The following TTC29 variants were observed in gnomAD, a reference collection of about 807,000 sequenced individuals.
TTC29 encodes tetratricopeptide repeat domain 29, also known as tetratricopeptide repeat protein 29.
In TTC29, 49 loss-of-function variants were observed where a neutral mutation model predicts 58.1. The ratio of observed to expected loss-of-function variants is 0.84; its 90% confidence interval spans 0.67 to 1.07. TTC29 has a LOEUF of 1.07. Among genes scored for constraint, TTC29 ranks in the 50% least tolerant of loss-of-function variants. The pLI, the probability that TTC29 is intolerant of heterozygous loss-of-function variation, is 0.00. For missense variants in TTC29, 582 were observed against 555.6 expected, an observed-to-expected ratio of 1.05 and a Z score of -0.48; for synonymous variants, 209 against 196.8, an observed-to-expected ratio of 1.06 and a Z score of -0.52.
At chr4:146,758,784 C>T (rs757322647) in intron 11 of TTC29, among the ~76,000 whole-genome samples, 9 of 152,032 alleles carry the variant, frequency 5.9e-5, no homozygotes, top group South Asian at 2.1e-4. Context: ...AAAAATTCTT[C>T]GAACTTAATG....
chr4:146,778,599 A>G (rs547492720), intron 11 of TTC29, among the ~76,000 whole-genome samples: 1 of 152,194 alleles, frequency 6.6e-6, no homozygotes, highest in Admixed American at 6.5e-5. Context: ...TAAGTACATC[A>G]TATTTTCAAA....
chr4:146,863,913 C>A (rs1730404800), intron 8 of TTC29, among the ~76,000 whole-genome samples: 1 of 152,144 alleles, frequency 6.6e-6, no homozygotes, highest in African/African-American at 2.4e-5. Context: ...AAATGATGCC[C>A]ATCCACATAG....
rs1438199761 is a variant in TTC29, at chr4:146,711,387, T to C, written c.1331-3836A>G. Among the ~76,000 whole-genome samples the C allele has an allele frequency of 2.0e-5, 3 of 152,302 alleles. No homozygotes were observed. The East Asian group carries it at 5.8e-4, about 29-fold the overall frequency. On this transcript the variant is annotated intron_variant, in intron 11 of 12. Transcript: ENST00000325106. Reference sequence around the variant, plus strand: ...AGTTCAAAGCTAAAGGGATTACTTTTGAATAGTCATCACAGAGGTTGATTA... The same window carrying C: ...AGTTCAAAGCTAAAGGGATTACTTTCGAATAGTCATCACAGAGGTTGATTA...
chr4:146,883,296 T>C (rs916565382), intron 6 of TTC29, among the ~76,000 whole-genome samples: 53 of 152,070 alleles, frequency 3.5e-4, no homozygotes, highest in African/African-American at 1.2e-3. Flanking sequence ...GCTCCAGATG[T>C]AGTTGCAACG....
At chr4:146,837,873 G>A (rs953249110) in intron 8 of TTC29, among the ~76,000 whole-genome samples, 28 of 151,982 alleles carry the variant, frequency 1.8e-4, no homozygotes, top group African/African-American at 6.7e-4. Flanking sequence ...TATTTTTAAA[G>A]TTCATGGGAA....
At chr4:146,914,745 C>A (rs72960328) in intron 4 of TTC29, among the ~76,000 whole-genome samples, 12,644 of 151,890 alleles carry the variant, frequency 0.083, 694 homozygotes, top group East Asian at 0.19. Context: ...GGTTTTATTG[C>A]CATTTAAGGG....
chr4:146,861,784 A>G (rs547958504), intron 8 of TTC29, among the ~76,000 whole-genome samples: 2 of 149,008 alleles, frequency 1.3e-5, no homozygotes, highest in East Asian at 1.9e-4. Flanking sequence ...AGTTTCTTTG[A>G]AAAAAAAAAG....
chr4:146,826,691 T>G (rs1454759475), intron 9 of TTC29, among the ~76,000 whole-genome samples: 1 of 152,124 alleles, frequency 6.6e-6, no homozygotes, highest in Non-Finnish European at 1.5e-5. Flanking sequence ...CTGGATAATA[T>G]CCTGAAGCGT....
chr4:146,899,554 G>T (rs1000871589), intron 6 of TTC29, among the ~76,000 whole-genome samples: 2 of 152,182 alleles, frequency 1.3e-5, no homozygotes, highest in Non-Finnish European at 1.5e-5. Flanking sequence ...GAGACTGCCA[G>T]CCCTTGAGTC....
In TTC29 at chr4:146,909,162, C is replaced by G. The variant is rs1733729853; in HGVS notation, c.264G>C (p.Met88Ile). ...HKSFTELFAL[M>I]ERWDALREAA... The stretch of plus-strand genomic sequence containing the variant: ...CCTCCCTCAGGGCATCCCACCGCTC[C>G]ATCAGAGCGAAGAGCTCGGTGAAGG... Residue 88 changes from methionine (M) to isoleucine (I), a missense_variant, in exon 5 of 13, where the codon ATG becomes ATC. Met to Ile is a conservative substitution (Grantham distance 10). Transcript: ENST00000325106. 6.2e-7 allele frequency: 1 copy of G among 1,613,624 alleles called. No individual in the cohort carries two copies. Among genetic ancestry groups the G allele is most frequent in the Admixed American group, 1.7e-5 (1 of 59,988 alleles).
chr4:146,822,911 G>T (rs553536587), intron 9 of TTC29, among the ~76,000 whole-genome samples: 1 of 152,132 alleles, frequency 6.6e-6, no homozygotes, highest in Non-Finnish European at 1.5e-5. Flanking sequence ...CTTTTGAGAA[G>T]TGTCTGTTCA....
chr4:146,882,717 C>A (rs574576234), intron 6 of TTC29, among the ~76,000 whole-genome samples: 1 of 152,002 alleles, frequency 6.6e-6, no homozygotes, highest in South Asian at 2.1e-4. Flanking sequence ...AGCATCTATG[C>A]CGAAGTATCA....
At chr4:146,940,039 G>T in intron 2 of TTC29, 138 bp from the exon 3 acceptor site, 1 of 768,772 alleles carries the variant, frequency 1.3e-6, no homozygotes, top group Non-Finnish European at 1.9e-6. Context: ...TGTTATTCGG[G>T]AATCATGCTC....
chr4:146,871,055 C>T (rs1184726535), intron 7 of TTC29, among the ~76,000 whole-genome samples: 1 of 151,718 alleles, frequency 6.6e-6, no homozygotes, highest in Non-Finnish European at 1.5e-5. Flanking sequence ...AACTAATGTC[C>T]CCTACGAATA....
chr4:146,879,636 C>A (rs958671437), intron 6 of TTC29, among the ~76,000 whole-genome samples: 4 of 152,042 alleles, frequency 2.6e-5, no homozygotes, highest in Non-Finnish European at 5.9e-5. Context: ...CCTTTTGGCA[C>A]CAAATAAACT....
intron 6 of TTC29, among the ~76,000 whole-genome samples, chr4:146,902,857 CAAAGT>C (rs1733247223): frequency 6.6e-6 from 1 of 152,116 alleles, no homozygotes; most frequent in Non-Finnish European, 1.5e-5. Flanking sequence ...GCAGTTTCAC[CAAAGT>C]AAAAACTTTT....
chr4:146,842,476 G>C (rs1728909651), intron 8 of TTC29, among the ~76,000 whole-genome samples: 1 of 151,988 alleles, frequency 6.6e-6, no homozygotes, highest in African/African-American at 2.4e-5. Context: ...AAATAAATGA[G>C]AATGAAACCC....
chr4:146,918,274 A>T lies in TTC29; in HGVS notation c.177-9025T>A, dbSNP rs557166785. ...TAAGTTCAACCTTTATTTTTTAAGA[A>T]AAAAACTAGTAATAATTAAGGAATA... On this transcript the variant is annotated intron_variant, in intron 4 of 12. Coordinates refer to ENST00000325106, the MANE Select transcript of TTC29 (RefSeq NM_031956.4). Among the ~76,000 whole-genome samples, 330 of 151,192 alleles carry T rather than the reference A, an allele frequency of 2.2e-3. 1 individual carries two copies. Among genetic ancestry groups the T allele is most frequent in the African/African-American group, 7.5e-3 (313 of 41,500 alleles).
chr4:146,897,445 C>T (rs758087625), intron 6 of TTC29, among the ~76,000 whole-genome samples: 1 of 152,066 alleles, frequency 6.6e-6, no homozygotes, highest in African/African-American at 2.4e-5. Context: ...ACTATGATTG[C>T]CCATGTGGTA....
Sources: gnomAD v4.1 joint callset for allele counts (sites outside exome capture counted in the v4.1 genomes callset) on GRCh38, gnomAD v4.1.1 for gene constraint, MANE v1.5 for transcripts, NCBI Gene and HGNC (gene_info 2026-07-23, HGNC 2026-07-21) for gene names.